The following TRPV4 variants were observed in gnomAD, a reference collection of about 807,000 sequenced individuals.
TRPV4 encodes the protein transient receptor potential cation channel subfamily V member 4.
A neutral mutation model predicts 84.1 loss-of-function variants in TRPV4; 58 were observed. That is an observed-to-expected ratio of 0.69 (90% CI 0.56 to 0.86). TRPV4 has a LOEUF of 0.86. Among genes scored for constraint, TRPV4 ranks in the 40% least tolerant of loss-of-function variants. TRPV4 has a pLI of 0.00. For missense variants in TRPV4, 879 were observed against 1,181.1 expected, an observed-to-expected ratio of 0.74 and a Z score of 3.75; for synonymous variants, 489 against 500.9, an observed-to-expected ratio of 0.98 and a Z score of 0.32.
intron 1 of TRPV4, among the ~76,000 whole-genome samples, chr12:109,825,778 G>C (rs1892236575): frequency 6.6e-6 from 1 of 152,184 alleles, no homozygotes; most frequent in Non-Finnish European, 1.5e-5. Flanking sequence ...CCAAATCAGA[G>C]GAGGGGGAAG....
intron 5 of TRPV4, 139 bp from the exon 6 acceptor site, chr12:109,799,051 C>T (rs968365185): frequency 7.3e-6 from 6 of 826,876 alleles, no homozygotes; most frequent in Non-Finnish European, 9.4e-6. Context: ...ATGAACTGCA[C>T]GTTTCTCTGG....
chr12:109,827,655 CAT>C (rs1285293961), intron 1 of TRPV4, among the ~76,000 whole-genome samples: 6 of 151,730 alleles, frequency 4.0e-5, no homozygotes, highest in African/African-American at 9.7e-5. Context: ...TACACGCAAA[CAT>C]ACACACACAT....
chr12:109,820,475 G>GT (rs756246270), intron 1 of TRPV4, among the ~76,000 whole-genome samples: 5 of 142,562 alleles, frequency 3.5e-5, no homozygotes, highest in Non-Finnish European at 7.6e-5. Flanking sequence ...GTATGAGCAA[G>GT]TTACCCAACC....
chr12:109,801,898 A>G (rs1890810404), intron 4 of TRPV4, among the ~76,000 whole-genome samples: 1 of 152,122 alleles, frequency 6.6e-6, no homozygotes, highest in African/African-American at 2.4e-5. Flanking sequence ...TCAAGATATA[A>G]TATTCATGGA....
intron 7 of TRPV4, 78 bp from the exon 8 acceptor site, chr12:109,794,565 TC>T: frequency 1.4e-6 from 2 of 1,441,152 alleles, no homozygotes; most frequent in African/African-American, 1.4e-5. Context: ...GGGTGTGCCT[TC>T]CCCCACCCTC....
At chr12:109,820,516 A>T (rs10850811) in intron 1 of TRPV4, among the ~76,000 whole-genome samples, 27,743 of 91,266 alleles carry the variant, frequency 0.3, 3,824 homozygotes, top group East Asian at 0.71. Flanking sequence ...CAGCTGCCCT[A>T]TTTTTTTTTT....
intron 1 of TRPV4, among the ~76,000 whole-genome samples, chr12:109,817,918 C>A (rs2136682812): frequency 6.6e-6 from 1 of 152,330 alleles, no homozygotes; most frequent in East Asian, 1.9e-4. Flanking sequence ...CAAAAGACAG[C>A]CCCACACCAC....
At chr12:109,790,202 G>A (rs577359340) in intron 12 of TRPV4, among the ~76,000 whole-genome samples, 33 of 152,282 alleles carry the variant, frequency 2.2e-4, no homozygotes, top group Admixed American at 1.8e-3. Context: ...GGCCACTATC[G>A]TGGGTTAAAA....
intron 1 of TRPV4, among the ~76,000 whole-genome samples, chr12:109,822,166 G>A (rs1031346424): frequency 9.3e-5 from 14 of 150,994 alleles, no homozygotes; most frequent in Non-Finnish European, 1.8e-4. Flanking sequence ...CTGGGGCACA[G>A]GGAGAAGGAA....
rs377000109 is a variant in TRPV4, at chr12:109,784,541, A to T, written c.2337-104T>A. 131 of 1,567,074 alleles carry T rather than the reference A, an allele frequency of 8.4e-5. 1 individual carries two copies. In the South Asian group the frequency reaches 1.4e-3, roughly 16 times the overall value. ...ATTTTTTTATTATGGTAACATATAC[A>T]TAACAAGGCTGGGCGTGGTGGCTCA... On this transcript the variant is annotated intron_variant, in intron 14 of 15. Coordinates refer to ENST00000261740, the MANE Select transcript of TRPV4 (RefSeq NM_021625.5).
intron 7 of TRPV4, among the ~76,000 whole-genome samples, chr12:109,794,837 G>A (rs1890292290): frequency 6.6e-6 from 1 of 152,120 alleles, no homozygotes; most frequent in Non-Finnish European, 1.5e-5. Flanking sequence ...GGCCAATGTG[G>A]TGAAACCCTG....
chr12:109,796,767 G>T lies in TRPV4; in HGVS notation c.1153-63C>A. ...GGAAAGACCCCCAGGGCTGGGCCCA[G>T]CTCAGCACATGACGCCTCCCCAGAA... is the stretch of plus-strand genomic sequence containing the variant. On this transcript the variant is annotated intron_variant, in intron 6 of 15. Transcript: ENST00000261740. This position sits in a 1 kb window ranked among gnomAD's most constrained non-coding sequence, Gnocchi z 4.2. 6.5e-7 allele frequency: 1 copy of T among 1,539,618 alleles called. No individual in the cohort carries two copies. The highest frequency in any genetic ancestry group is 8.8e-7 in the Non-Finnish European group (1 of 1,139,748).
chr12:109,783,615 C>T lies in TRPV4; in HGVS notation c.*6G>A, dbSNP rs755507516. ...GGGCAGAGAAGCTGGGGCTGGGCTG[C>T]AGTCCCTAGAGCGGGGCGTCATCAG... On this transcript the variant is annotated 3_prime_UTR_variant, in exon 16 of 16. Transcript: ENST00000261740. The surrounding 1 kb of genome is among the most constrained non-coding windows in gnomAD (Gnocchi z 4.6). The T allele has an allele frequency of 1.2e-6, 2 of 1,611,486 alleles. No individual in the cohort carries two copies. The highest frequency in any genetic ancestry group is 2.2e-5 in the South Asian group (2 of 90,894).
rs778560334 is a variant in TRPV4 at position 109,788,619 on chromosome 12, G to A, written c.1989C>T (p.Ser663=). ...CCAGGAGGAAGGTGCTGAAGGTCTC[G>A]CTGTCACGGCACGAGGGGTAAGTGG... ...TVPTYPSCRD[S]ETFSTFLLDL... Residue 663 remains serine, a synonymous_variant, in exon 13 of 16, where the codon AGC becomes AGT. Coordinates refer to ENST00000261740, the MANE Select transcript of TRPV4 (RefSeq NM_021625.5). 8.7e-6 allele frequency: 14 copies of A among 1,614,120 alleles called. No individual in the cohort carries two copies. Among genetic ancestry groups the A allele is most frequent in the Middle Eastern group, 1.6e-4 (1 of 6,084 alleles).
intron 1 of TRPV4, among the ~76,000 whole-genome samples, chr12:109,826,071 T>G (rs1892244664): frequency 6.6e-6 from 1 of 152,234 alleles, no homozygotes. Context: ...TCACCCAGGC[T>G]GGAGTGCAGT....
At chr12:109,790,176 A>G (rs559286242) in intron 12 of TRPV4, among the ~76,000 whole-genome samples, 1 of 152,258 alleles carries the variant, frequency 6.6e-6, no homozygotes, top group Non-Finnish European at 1.5e-5. Flanking sequence ...CCCACCAATA[A>G]TCTACCTAGA....
In TRPV4 at chr12:109,794,386, G is replaced by A. The variant is rs749421876; in HGVS notation, c.1434C>T (p.Tyr478=). The A allele has an allele frequency of 1.2e-5, 19 of 1,613,780 alleles. No individual in the cohort carries two copies. The Admixed American group carries it at 2.3e-4, about 20-fold the overall frequency. ...AVSFYINVVS[Y]LCAMVIFTLT... is the part of the protein sequence containing the mutation. ...GAGTGAAGATGACCATGGCACACAG[G>A]TAGGAGACCACGTTGATGTAGAAGG... Residue 478 remains tyrosine, a synonymous_variant, in exon 8 of 16, where the codon TAC becomes TAT. Transcript: ENST00000261740.
chr12:109,790,979 G>C (rs1889988577), intron 12 of TRPV4, among the ~76,000 whole-genome samples: 1 of 152,220 alleles, frequency 6.6e-6, no homozygotes, highest in African/African-American at 2.4e-5. Flanking sequence ...AGCTAGACCA[G>C]TCAGCCAGCA....
In TRPV4 at chr12:109,796,790, GA is replaced by G; in HGVS notation, c.1153-87del. The stretch of plus-strand genomic sequence containing the variant: ...CAGCTCAGCACATGACGCCTCCCCA[GA>G]AAACAGCTAAGCACCGGCTGCTGGA... On this transcript the variant is annotated intron_variant, in intron 6 of 15. Transcript: ENST00000261740. The surrounding 1 kb of genome is among the most constrained non-coding windows in gnomAD (Gnocchi z 4.2). 2 of 1,404,916 alleles carry G rather than the reference GA, an allele frequency of 1.4e-6. No individual in the cohort carries two copies. The highest frequency in any genetic ancestry group is 1.9e-6 in the Non-Finnish European group (2 of 1,040,772). 87.0% of individuals were successfully genotyped at this position (1,404,916 alleles called of 1,614,324 possible).
Sources: gnomAD v4.1 joint callset for allele counts (sites outside exome capture counted in the v4.1 genomes callset) on GRCh38, gnomAD v4.1.1 for gene constraint, Gnocchi (gnomAD v3.1) non-coding constraint, MANE v1.5 for transcripts, NCBI Gene and HGNC (gene_info 2026-07-23, HGNC 2026-07-21) for gene names.